Variants in PTPRM observed in about 807,000 individuals in gnomAD.
The protein encoded by PTPRM is receptor-type tyrosine-protein phosphatase mu.
A neutral mutation model predicts 186.7 loss-of-function variants in PTPRM; 47 were observed. That is an observed-to-expected ratio of 0.25 (90% CI 0.20 to 0.32). The LOEUF (loss-of-function observed/expected upper bound fraction) is 0.32, where lower values mean the gene tolerates loss of function less well. Ranked by LOEUF, PTPRM falls within the 10% of genes least tolerant of loss-of-function variation. PTPRM has a pLI of 1.00. For missense variants in PTPRM, 1,494 were observed against 1,865.0 expected (o/e 0.80, Z 3.66); for synonymous variants, 668 against 674.9 (o/e 0.99, Z 0.16).
At chr18:7,923,745 G>A (rs1191980417) in intron 4 of PTPRM, among the ~76,000 whole-genome samples, 1 of 152,160 alleles carries the variant, frequency 6.6e-6, no homozygotes, top group Non-Finnish European at 1.5e-5. Flanking sequence ...TTACAGGGGA[G>A]TTAATGGCAA....
chr18:7,741,553 G>A (rs1372346499), intron 1 of PTPRM: 3 of 152,166 alleles, frequency 2.0e-5, no homozygotes, highest in African/African-American at 4.8e-5. Flanking sequence ...TTCAGTTAAC[G>A]AAAACACATC....
intron 13 of PTPRM, among the ~76,000 whole-genome samples, chr18:8,119,652 T>C (rs2092096484): frequency 6.6e-6 from 1 of 152,128 alleles, no homozygotes; most frequent in African/African-American, 2.4e-5. Flanking sequence ...AAGAAAAGAA[T>C]CCGGAAAAAC....
At chr18:7,799,350 T>C (rs770129451) in intron 2 of PTPRM, among the ~76,000 whole-genome samples, 1 of 152,162 alleles carries the variant, frequency 6.6e-6, no homozygotes, top group Non-Finnish European at 1.5e-5. Flanking sequence ...CTTCATACTA[T>C]CAACTTAGAA....
At chr18:7,779,397 C>T (rs1033777172) in intron 2 of PTPRM, among the ~76,000 whole-genome samples, 7 of 152,154 alleles carry the variant, frequency 4.6e-5, no homozygotes, top group African/African-American at 1.2e-4. Flanking sequence ...AATTGAATCA[C>T]GTCTGTGGGT....
intron 14 of PTPRM, among the ~76,000 whole-genome samples, chr18:8,234,970 T>A (rs879160507): frequency 6.6e-6 from 1 of 152,186 alleles, no homozygotes; most frequent in Admixed American, 6.5e-5. Flanking sequence ...TTTTATAAAT[T>A]GTTGGATTCA....
chr18:7,817,394 C>A (rs900761413), intron 2 of PTPRM, among the ~76,000 whole-genome samples: 1 of 152,094 alleles, frequency 6.6e-6, no homozygotes, highest in African/African-American at 2.4e-5. Flanking sequence ...AGTGGTACCT[C>A]ATAAAATATT....
At chr18:8,321,657 G>C (rs953038458) in intron 22 of PTPRM, among the ~76,000 whole-genome samples, 1 of 152,188 alleles carries the variant, frequency 6.6e-6, no homozygotes, top group Non-Finnish European at 1.5e-5. Flanking sequence ...CTGTTTACCA[G>C]GTCGTGGCAG....
At position 7,568,025 on chromosome 18, in the gene PTPRM, C is replaced by A; in HGVS notation, c.73+134C>A. The A allele has an allele frequency of 2.4e-6, 2 of 817,798 alleles. No individual in the cohort carries two copies. Among genetic ancestry groups the A allele is most frequent in the South Asian group, 3.3e-5 (1 of 30,512 alleles). 50.7% of individuals were successfully genotyped at this position (817,798 alleles called of 1,614,324 possible). A position where few individuals can be genotyped will look rare whatever the true frequency, so the allele number is the denominator to read the frequency against. Reference sequence around the variant, plus strand: ...GCGGGGGGCGCGGCGGGCCGGACACCGCTTCTGCCTGTGAGCCGGGCGCTG... The same window carrying A: ...GCGGGGGGCGCGGCGGGCCGGACACAGCTTCTGCCTGTGAGCCGGGCGCTG... On this transcript the variant is annotated intron_variant, in intron 1 of 32. Coordinates refer to ENST00000580170, the MANE Select transcript of PTPRM (RefSeq NM_001105244.2). The surrounding 1 kb of genome is among the most constrained non-coding windows in gnomAD (Gnocchi z 5.1).
chr18:8,380,008 G>A (rs565411974), intron 28 of PTPRM, among the ~76,000 whole-genome samples: 1 of 152,320 alleles, frequency 6.6e-6, no homozygotes, highest in South Asian at 2.1e-4. Context: ...TCTCCATCAA[G>A]ATAATTATGT....
chr18:8,075,059 T>A (rs986422958), intron 8 of PTPRM, among the ~76,000 whole-genome samples: 21 of 152,174 alleles, frequency 1.4e-4, no homozygotes, highest in African/African-American at 5.1e-4. Context: ...CTATTCAGAT[T>A]TAATTGTTAT....
intron 7 of PTPRM, among the ~76,000 whole-genome samples, chr18:7,994,956 AAAT>A (rs1227335416): frequency 1.3e-5 from 2 of 152,094 alleles, no homozygotes; most frequent in East Asian, 3.8e-4. Context: ...AGAAGGGAAG[AAAT>A]AATAAATATC....
chr18:7,915,412 A>G (rs148400667), intron 4 of PTPRM, among the ~76,000 whole-genome samples: 88 of 152,264 alleles, frequency 5.8e-4, no homozygotes, highest in African/African-American at 1.9e-3. Context: ...TAAAGGTGGT[A>G]TACACCTGAT....
At chr18:8,243,701 A>C (rs1180492598) in intron 14 of PTPRM, among the ~76,000 whole-genome samples, 1 of 152,244 alleles carries the variant, frequency 6.6e-6, no homozygotes, top group Non-Finnish European at 1.5e-5. Context: ...TTTCGTAAAA[A>C]CTTAGTAACT....
intron 2 of PTPRM, among the ~76,000 whole-genome samples, chr18:7,884,822 G>C (rs1365556598): frequency 6.7e-6 from 1 of 149,834 alleles, no homozygotes; most frequent in African/African-American, 2.5e-5. Flanking sequence ...TACTCAGGAG[G>C]CTGAGGCAGG....
intron 1 of PTPRM, among the ~76,000 whole-genome samples, chr18:7,739,414 TAGTA>T (rs1434239443): frequency 6.6e-6 from 1 of 152,238 alleles, no homozygotes; most frequent in African/African-American, 2.4e-5. Flanking sequence ...AAACAGCAAG[TAGTA>T]AGTCATTAGC....
chr18:8,141,575 G>T (rs1441399375), intron 13 of PTPRM, among the ~76,000 whole-genome samples: 1 of 152,160 alleles, frequency 6.6e-6, no homozygotes, highest in African/African-American at 2.4e-5. Context: ...CCTCTACTGA[G>T]TGTTCACAAT....
At chr18:8,346,265 C>T (rs1256896770) in intron 23 of PTPRM, among the ~76,000 whole-genome samples, 1 of 152,174 alleles carries the variant, frequency 6.6e-6, no homozygotes, top group Non-Finnish European at 1.5e-5. Flanking sequence ...TGCCACAAGC[C>T]AGGAGGCTTA....
intron 1 of PTPRM, among the ~76,000 whole-genome samples, chr18:7,731,998 A>G (rs1281897984): frequency 6.6e-6 from 1 of 152,338 alleles, no homozygotes; most frequent in East Asian, 1.9e-4. Context: ...AAAATTCAAT[A>G]AGAAAACATT....
intron 2 of PTPRM, among the ~76,000 whole-genome samples, chr18:7,840,659 A>G (rs901883630): frequency 6.6e-5 from 10 of 152,214 alleles, no homozygotes; most frequent in African/African-American, 2.4e-4. Flanking sequence ...ACAAATGATC[A>G]GAAATGTGCC....
Sources: allele counts gnomAD v4.1 joint callset (sites outside exome capture counted in the v4.1 genomes callset), GRCh38; gene constraint gnomAD v4.1.1; non-coding constraint Gnocchi (gnomAD v3.1); transcripts MANE v1.5; gene names NCBI Gene and HGNC (gene_info 2026-07-23, HGNC 2026-07-21).